Variants in DNER observed in about 807,000 individuals in gnomAD.
The protein encoded by DNER is delta/notch like EGF repeat containing, also known as delta and Notch-like epidermal growth factor-related receptor.
In DNER, 33 loss-of-function variants were observed where a neutral mutation model predicts 78.2. The observed-to-expected ratio is 0.42, with a 90% confidence interval of 0.32 to 0.56. The LOEUF is 0.56. Ranked by LOEUF, DNER falls within the 20% of genes least tolerant of loss-of-function variation. The pLI, the probability that DNER is intolerant of heterozygous loss-of-function variation, is 0.11. For missense variants in DNER, 918 were observed against 975.3 expected, an observed-to-expected ratio of 0.94 and a Z score of 0.78; for synonymous variants, 417 against 384.8, an observed-to-expected ratio of 1.08 and a Z score of -0.98.
chr2:229,564,218 T>A (rs935435789), intron 4 of DNER, among the ~76,000 whole-genome samples: 2 of 144,802 alleles, frequency 1.4e-5, no homozygotes, highest in Non-Finnish European at 3.0e-5. Flanking sequence ...ATCATCATCC[T>A]CCTCACCTCA....
At chr2:229,478,998 T>C (rs1169936498) in intron 6 of DNER, among the ~76,000 whole-genome samples, 1 of 152,124 alleles carries the variant, frequency 6.6e-6, no homozygotes, top group African/African-American at 2.4e-5. Context: ...CCAGTGTGTG[T>C]TGTTCTCCTC....
chr2:229,443,572 C>G (rs940011635), intron 8 of DNER, among the ~76,000 whole-genome samples: 1 of 152,314 alleles, frequency 6.6e-6, no homozygotes, highest in African/African-American at 2.4e-5. Context: ...GCCCGAAAAG[C>G]TACAAACGAA....
intron 7 of DNER, among the ~76,000 whole-genome samples, chr2:229,475,776 C>G (rs1450493363): frequency 6.6e-6 from 1 of 152,056 alleles, no homozygotes; most frequent in Non-Finnish European, 1.5e-5. Context: ...ACAATCCCAG[C>G]AATAATAGGA....
chr2:229,408,309 A>T (rs114973663), intron 9 of DNER, among the ~76,000 whole-genome samples: 3,212 of 152,194 alleles, frequency 0.021, 107 homozygotes, highest in African/African-American at 0.074. Context: ...TAATTTTATT[A>T]AAAACTTTAA....
In DNER at chr2:229,588,495, A is replaced by G; in HGVS notation, c.586-7T>C. 3.9e-6 allele frequency: 5 copies of G among 1,269,188 alleles called. No homozygotes were observed. The highest frequency in any genetic ancestry group is 1.2e-5 in the South Asian group (1 of 82,208). 78.6% of individuals were successfully genotyped at this position (1,269,188 alleles called of 1,614,324 possible). A position where few individuals can be genotyped will look rare whatever the true frequency, so the allele number is the denominator to read the frequency against. On this transcript the variant is annotated splice_region_variant and splice_polypyrimidine_tract_variant and intron_variant, in intron 2 of 12. Coordinates refer to ENST00000341772, the MANE Select transcript of DNER (RefSeq NM_139072.4). ...AGGCAATATCTGGGATCACCTGGGA[A>G]GGGAAAAAAAAAACGACATATGATT...
chr2:229,621,632 T>G (rs1301664632), intron 1 of DNER, among the ~76,000 whole-genome samples: 2 of 138,400 alleles, frequency 1.4e-5, no homozygotes, highest in African/African-American at 2.7e-5. Context: ...CCATGCCTAC[T>G]ACAATATTTC....
chr2:229,502,752 G>A (rs1173776362), intron 6 of DNER, among the ~76,000 whole-genome samples: 1 of 152,232 alleles, frequency 6.6e-6, no homozygotes, highest in African/African-American at 2.4e-5. Flanking sequence ...ATCCTCCTCA[G>A]AGTGATAGTT....
intron 4 of DNER, among the ~76,000 whole-genome samples, chr2:229,559,928 T>C (rs1696924210): frequency 6.6e-6 from 1 of 152,202 alleles, no homozygotes; most frequent in South Asian, 2.1e-4. Context: ...GCTGTGCTCA[T>C]TAGGATGGCA....
intron 1 of DNER, among the ~76,000 whole-genome samples, chr2:229,700,264 A>G (rs1699721996): frequency 6.8e-6 from 1 of 146,706 alleles, no homozygotes; most frequent in South Asian, 2.2e-4. Flanking sequence ...TGCTTAATGT[A>G]TATACATTTA....
At chr2:229,512,380 CAA>C (rs10658429) in intron 6 of DNER, among the ~76,000 whole-genome samples, 1 of 134,232 alleles carries the variant, frequency 7.4e-6, no homozygotes, top group Non-Finnish European at 1.6e-5. Context: ...GACTCTGTCT[CAA>C]AAAAAAAAAA....
At chr2:229,604,025 G>A (rs534907163) in intron 1 of DNER, among the ~76,000 whole-genome samples, 58 of 152,276 alleles carry the variant, frequency 3.8e-4, no homozygotes, top group Admixed American at 9.2e-4. Flanking sequence ...ACAGGGACCA[G>A]GAGGGCCAGC....
At chr2:229,619,868 A>T (rs888538335) in intron 1 of DNER, among the ~76,000 whole-genome samples, 1 of 152,224 alleles carries the variant, frequency 6.6e-6, no homozygotes, top group East Asian at 1.9e-4. Context: ...TTCTAGTTGG[A>T]TAATGTTTAC....
chr2:229,697,611 A>C (rs758784913), intron 1 of DNER, among the ~76,000 whole-genome samples: 6 of 152,218 alleles, frequency 3.9e-5, no homozygotes, highest in Non-Finnish European at 8.8e-5. Flanking sequence ...ACTCTTTATT[A>C]ACTGTCTACT....
At chr2:229,666,100 T>C (rs1023594) in intron 1 of DNER, among the ~76,000 whole-genome samples, 151,196 of 152,294 alleles carry the variant, frequency 0.99, 75,062 homozygotes, top group East Asian at 1. Flanking sequence ...TCCCATTGTA[T>C]CCTGCAATGG....
intron 11 of DNER, among the ~76,000 whole-genome samples, chr2:229,370,435 C>G (rs1692455772): frequency 6.6e-6 from 1 of 152,228 alleles, no homozygotes; most frequent in Admixed American, 6.5e-5. Flanking sequence ...ATGACCATTA[C>G]TGCATTGACT....
chr2:229,534,469 T>C (rs1417087586), intron 5 of DNER, among the ~76,000 whole-genome samples: 1 of 152,274 alleles, frequency 6.6e-6, no homozygotes, highest in South Asian at 2.1e-4. Context: ...AGAGTCCACA[T>C]TGAATTAACC....
At chr2:229,535,296 T>C (rs1696380447) in intron 5 of DNER, among the ~76,000 whole-genome samples, 1 of 152,176 alleles carries the variant, frequency 6.6e-6, no homozygotes, top group Non-Finnish European at 1.5e-5. Context: ...CCAAACAGTT[T>C]TGTAAATAAA....
chr2:229,648,637 C>A (rs1698760367), intron 1 of DNER, among the ~76,000 whole-genome samples: 1 of 152,156 alleles, frequency 6.6e-6, no homozygotes. Context: ...ATCTAGTTTT[C>A]CAAAGAATTC....
At chr2:229,683,032 T>C (rs1043159150) in intron 1 of DNER, among the ~76,000 whole-genome samples, 2 of 152,224 alleles carry the variant, frequency 1.3e-5, no homozygotes, top group Non-Finnish European at 2.9e-5. Context: ...TAGTTAATTA[T>C]TTAACATATT....
Sources: allele counts gnomAD v4.1 joint callset (sites outside exome capture counted in the v4.1 genomes callset), GRCh38; gene constraint gnomAD v4.1.1; transcripts MANE v1.5; gene names NCBI Gene and HGNC (gene_info 2026-07-23, HGNC 2026-07-21).